Variants in CNTLN observed in about 807,000 individuals in gnomAD.
CNTLN encodes centlein.
CNTLN carries 212 observed loss-of-function variants against 180.0 expected under a neutral mutation model. That is an observed-to-expected ratio of 1.18 (90% CI 1.05 to 1.32). The LOEUF (loss-of-function observed/expected upper bound fraction) is 1.32, where lower values mean the gene tolerates loss of function less well. Ranked by LOEUF, CNTLN falls within the 40% of genes most tolerant of loss-of-function variation. The pLI is 0.00. For missense variants in CNTLN, 2,095 were observed against 1,610.9 expected (o/e 1.30, Z -5.14); for synonymous variants, 722 against 563.1 (o/e 1.28, Z -3.99).
intron 18 of CNTLN, among the ~76,000 whole-genome samples, chr9:17,425,185 G>A (rs2133947086): frequency 6.6e-6 from 1 of 152,264 alleles, no homozygotes; most frequent in East Asian, 1.9e-4. Context: ...TATTGCTACA[G>A]ACTGAATTGT....
chr9:17,247,468 A>G (rs908606427), intron 5 of CNTLN, among the ~76,000 whole-genome samples: 1 of 152,080 alleles, frequency 6.6e-6, no homozygotes, highest in Admixed American at 6.6e-5. Flanking sequence ...CCAATAACAC[A>G]ATTTCTGTCT....
Position 17,388,254 on chromosome 9 carries a change from G to T in CNTLN, c.2079+1G>T. ...AATGTTGGAGCAGACATTACAGAAG[G>T]TAGTCTAATCTTTAAGATATTGAGC... On this transcript the variant is annotated splice_donor_variant, in intron 14 of 25. Coordinates refer to ENST00000380647, the MANE Select transcript of CNTLN (RefSeq NM_017738.4). LOFTEE classifies it high-confidence loss of function. 1 of 1,597,656 alleles carries T rather than the reference G, an allele frequency of 6.3e-7. No homozygotes were observed. Among genetic ancestry groups the T allele is most frequent in the South Asian group, 1.1e-5 (1 of 90,434 alleles).
chr9:17,243,222 T>C (rs1171046980), intron 5 of CNTLN, among the ~76,000 whole-genome samples: 1 of 152,190 alleles, frequency 6.6e-6, no homozygotes, highest in Non-Finnish European at 1.5e-5. Flanking sequence ...TCTTTTTTTC[T>C]GAGTTAATCT....
the CNTLN span, among the ~76,000 whole-genome samples, chr9:17,513,117 C>G: frequency 1.3e-5 from 2 of 151,994 alleles, no homozygotes; most frequent in African/African-American, 2.4e-5. Context: ...CCGGCCTAGT[C>G]TATCATTTTA....
chr9:17,492,015 A>G (rs1833187900), intron 25 of CNTLN, among the ~76,000 whole-genome samples: 1 of 152,058 alleles, frequency 6.6e-6, no homozygotes, highest in Non-Finnish European at 1.5e-5. Context: ...AAACTGACAT[A>G]CTCACTCACT....
chr9:17,497,360 G>T (rs1397296158), intron 25 of CNTLN, among the ~76,000 whole-genome samples: 1 of 152,034 alleles, frequency 6.6e-6, no homozygotes, highest in East Asian at 1.9e-4. Context: ...AGATGCTTCT[G>T]GATTTGAAGG....
At chr9:17,348,497 A>AG (rs1387266135) in intron 12 of CNTLN, among the ~76,000 whole-genome samples, 5 of 150,510 alleles carry the variant, frequency 3.3e-5, no homozygotes, top group Non-Finnish European at 7.4e-5. Context: ...GTGAAAGTGC[A>AG]GGCTTCTCAC....
intron 2 of CNTLN, among the ~76,000 whole-genome samples, chr9:17,171,257 G>T (rs773451615): frequency 6.6e-6 from 1 of 152,102 alleles, no homozygotes; most frequent in African/African-American, 2.4e-5. Flanking sequence ...GCCTTGCATT[G>T]ATATCTGTGC....
intron 12 of CNTLN, among the ~76,000 whole-genome samples, chr9:17,347,429 G>C (rs888338409): frequency 6.6e-6 from 1 of 152,150 alleles, no homozygotes; most frequent in Admixed American, 6.5e-5. Flanking sequence ...AGCACTTTGG[G>C]AGGCTTAGGC....
At chr9:17,143,598 G>A (rs1337891403) in intron 2 of CNTLN, among the ~76,000 whole-genome samples, 1 of 152,232 alleles carries the variant, frequency 6.6e-6, no homozygotes, top group Non-Finnish European at 1.5e-5. Flanking sequence ...TTTGGAGAGT[G>A]TGTAGCTAAG....
the CNTLN span, among the ~76,000 whole-genome samples, chr9:17,515,983 C>T: frequency 6.6e-6 from 1 of 152,142 alleles, no homozygotes; most frequent in African/African-American, 2.4e-5. Context: ...CATCTTCTTC[C>T]TCTCCTTATA....
chr9:17,275,026 G>A (rs867554888), intron 6 of CNTLN, among the ~76,000 whole-genome samples: 1 of 151,954 alleles, frequency 6.6e-6, no homozygotes, highest in African/African-American at 2.4e-5. Flanking sequence ...TGATAGACTG[G>A]TTAACATATC....
chr9:17,516,474 A>G, the CNTLN span, among the ~76,000 whole-genome samples: 7 of 152,248 alleles, frequency 4.6e-5, no homozygotes, highest in African/African-American at 1.4e-4. Flanking sequence ...GAAAAAGGGT[A>G]TAACTTTATA....
chr9:17,178,349 C>G lies in CNTLN; in HGVS notation c.449+34973C>G, dbSNP rs1414698382. Among the ~76,000 whole-genome samples, 4 of 152,346 alleles carry G rather than the reference C, an allele frequency of 2.6e-5. No individual in the cohort carries two copies. In the East Asian group the frequency reaches 7.7e-4, roughly 29 times the overall value. ...AGACTCAGGAGCCCAGCTGGCTTCA[C>G]CCAGTGGATCCCGCACCCGGGCCGC... is the stretch of plus-strand genomic sequence containing the variant. On this transcript the variant is annotated intron_variant, in intron 2 of 25. Transcript: ENST00000380647.
chr9:17,272,039 T>TTCC (rs1563944677), intron 5 of CNTLN, among the ~76,000 whole-genome samples: 47 of 141,246 alleles, frequency 3.3e-4, no homozygotes, highest in Middle Eastern at 3.6e-3. Context: ...TCCTTCCTTT[T>TTCC]TTCCTTCCTT....
chr9:17,357,901 T>C (rs1045566462), intron 12 of CNTLN, among the ~76,000 whole-genome samples: 4 of 151,906 alleles, frequency 2.6e-5, no homozygotes, highest in African/African-American at 9.7e-5. Flanking sequence ...CTGGAAAGTA[T>C]TTCAGGCTTT....
chr9:17,384,266 G>C lies in CNTLN; in HGVS notation c.1988-3896G>C, dbSNP rs141067546. Among the ~76,000 whole-genome samples the C allele has an allele frequency of 1.2e-3, 166 of 143,302 alleles. 1 individual carries two copies. Among genetic ancestry groups the C allele is most frequent in the Non-Finnish European group, 1.6e-3 (105 of 66,200 alleles). The allele number at this position is 143,302 out of a possible 152,430, so 94.0% of individuals were successfully genotyped here. ...TTAAGGCAAGGAAGCCTATTTATTG[G>C]GTGTAATTTACAATAAATAAAATGA... On this transcript the variant is annotated intron_variant, in intron 13 of 25. Coordinates refer to ENST00000380647, the MANE Select transcript of CNTLN (RefSeq NM_017738.4).
Position 17,139,481 on chromosome 9 carries a change from C to T in CNTLN, c.361-3807C>T, listed in dbSNP as rs529571222. Among the ~76,000 whole-genome samples, 5 of 151,738 alleles carry T rather than the reference C, an allele frequency of 3.3e-5. No homozygotes were observed. The South Asian group carries it at 6.2e-4, about 19-fold the overall frequency. On this transcript the variant is annotated intron_variant, in intron 1 of 25. Transcript: ENST00000380647. ...TTTGAGACCAGCCTGGCCAACATGG[C>T]GAAACCCAGTCTCTACTAAAATACA...
At position 17,213,468 on chromosome 9, in the gene CNTLN, A is replaced by G. The variant is rs555433172; in HGVS notation, c.450-12735A>G. Among the ~76,000 whole-genome samples the G allele has an allele frequency of 3.9e-5, 6 of 152,338 alleles. No individual in the cohort carries two copies. In the South Asian group the frequency reaches 1.2e-3, roughly 32 times the overall value. On this transcript the variant is annotated intron_variant, in intron 2 of 25. Coordinates refer to ENST00000380647, the MANE Select transcript of CNTLN (RefSeq NM_017738.4). ...TTTTACATTTGCTGAGGAGTTCTGT[A>G]CTTCCAACTATGTGGTCAATTTTGG...
Sources: allele counts gnomAD v4.1 joint callset (sites outside exome capture counted in the v4.1 genomes callset), GRCh38; gene constraint gnomAD v4.1.1; transcripts MANE v1.5; gene names NCBI Gene and HGNC (gene_info 2026-07-23, HGNC 2026-07-21).